Variants in CNGB1 observed in about 807,000 individuals in gnomAD.
CNGB1 encodes cyclic nucleotide-gated channel beta-1.
Under a neutral mutation model 151.7 loss-of-function variants are expected in CNGB1, and 126 were observed. The ratio of observed to expected loss-of-function variants is 0.83; its 90% CI spans 0.72 to 0.96. The LOEUF (loss-of-function observed/expected upper bound fraction) is 0.96, where lower values mean the gene tolerates loss of function less well. Among genes scored for constraint, CNGB1 ranks in the 40% least tolerant of loss-of-function variants. The pLI is 0.00. For synonymous variants in CNGB1, 623 were observed against 635.1 expected (o/e 0.98, Z 0.29); for missense variants, 1,698 against 1,627.0 (o/e 1.04, Z -0.75).
At position 57,901,337 on chromosome 16, in the gene CNGB1, G is replaced by A. The variant is rs536264127; in HGVS notation, c.2976+15C>T. 2.5e-5 allele frequency: 40 copies of A among 1,613,256 alleles called. No individual in the cohort carries two copies. The South Asian group carries it at 4.1e-4, about 16-fold the overall frequency. On this transcript the variant is annotated intron_variant, in intron 29 of 32. Coordinates refer to ENST00000251102, the MANE Select transcript of CNGB1 (RefSeq NM_001297.5). ...GTGAACCCCAGATCCCGTGGTGGCT[G>A]CCAGGCCAGCTCACCTTCTTGCACA...
At chr16:57,936,838 AAGAG>A (rs1221472099) in intron 16 of CNGB1, among the ~76,000 whole-genome samples, 2 of 152,112 alleles carry the variant, frequency 1.3e-5, no homozygotes, top group Non-Finnish European at 2.9e-5. Flanking sequence ...GAGGAAGAGA[AAGAG>A]AGAGAAAAAA....
chr16:57,918,911 G>T (rs1960951724), intron 20 of CNGB1, among the ~76,000 whole-genome samples, 188 bp downstream of exon 20: 1 of 152,158 alleles, frequency 6.6e-6, no homozygotes, highest in African/African-American at 2.4e-5. Flanking sequence ...TGTTAGCCAG[G>T]CTGGGTTTGT....
chr16:57,955,975 T>C (rs1962074889), intron 12 of CNGB1, among the ~76,000 whole-genome samples: 1 of 152,086 alleles, frequency 6.6e-6, no homozygotes, highest in South Asian at 2.1e-4. Context: ...TCCTAGAAAA[T>C]GAAACCAAGC....
At chr16:57,930,622 A>G (rs531035042) in intron 17 of CNGB1, among the ~76,000 whole-genome samples, 2 of 152,276 alleles carry the variant, frequency 1.3e-5, no homozygotes, top group Admixed American at 6.5e-5. Context: ...AAAAGAACAA[A>G]GAAAAGAAAA....
At chr16:57,952,400 G>A (rs1189591516) in intron 12 of CNGB1, among the ~76,000 whole-genome samples, 1 of 151,564 alleles carries the variant, frequency 6.6e-6, no homozygotes, top group Non-Finnish European at 1.5e-5. Context: ...AAGAATTGAT[G>A]CTGTCCTTGC....
At chr16:57,895,124 T>A (rs1960187751) in intron 31 of CNGB1, among the ~76,000 whole-genome samples, 1 of 152,004 alleles carries the variant, frequency 6.6e-6, no homozygotes, top group African/African-American at 2.4e-5. Flanking sequence ...TTTACAAGTA[T>A]GAAAAGGGAG....
chr16:57,901,342 G>A lies in CNGB1; in HGVS notation c.2976+10C>T, dbSNP rs746653522. 1 of 1,613,630 alleles carries A rather than the reference G, an allele frequency of 6.2e-7. No homozygotes were observed. The highest frequency in any genetic ancestry group is 1.7e-5 in the Admixed American group (1 of 60,018). On this transcript the variant is annotated intron_variant, in intron 29 of 32. Transcript: ENST00000251102. ...CCCCAGATCCCGTGGTGGCTGCCAG[G>A]CCAGCTCACCTTCTTGCACACATAG... is the stretch of plus-strand genomic sequence containing the variant.
intron 12 of CNGB1, among the ~76,000 whole-genome samples, chr16:57,951,564 T>G (rs924103692): frequency 2.0e-5 from 3 of 152,128 alleles, no homozygotes; most frequent in Admixed American, 6.5e-5. Context: ...TCAAGTCTTA[T>G]CCTGAGACTT....
intron 25 of CNGB1, 78 bp from the exon 26 acceptor site, chr16:57,904,953 T>C: frequency 6.4e-7 from 1 of 1,557,728 alleles, no homozygotes; most frequent in Non-Finnish European, 8.9e-7. Flanking sequence ...CTCAGACGCC[T>C]CTGATAGATG....
chr16:57,938,564 G>C (rs1306254606), intron 16 of CNGB1, among the ~76,000 whole-genome samples: 1 of 152,200 alleles, frequency 6.6e-6, no homozygotes, highest in Non-Finnish European at 1.5e-5. Flanking sequence ...TCATGGTTCA[G>C]ACAGGTCACA....
At position 57,959,882 on chromosome 16, in the gene CNGB1, GC is replaced by G; in HGVS notation, c.761+5del. 1 of 1,518,968 alleles carries G rather than the reference GC, an allele frequency of 6.6e-7. No individual in the cohort carries two copies. The highest frequency in any genetic ancestry group is 8.8e-7 in the Non-Finnish European group (1 of 1,132,334). 94.1% of individuals were successfully genotyped at this position (1,518,968 alleles called of 1,614,324 possible). On this transcript the variant is annotated splice_donor_5th_base_variant and intron_variant, in intron 10 of 32. Transcript: ENST00000251102. Reference sequence around the variant, plus strand: ...GGTGGGAGGCGCTGCATTGAGGGTGGCTCACCTGGCAGGGTCCCTGGTTGGT... The same window carrying G: ...GGTGGGAGGCGCTGCATTGAGGGTGGTCACCTGGCAGGGTCCCTGGTTGGT...
intron 17 of CNGB1, 76 bp from the exon 18 acceptor site, chr16:57,923,456 C>A: frequency 8.1e-7 from 1 of 1,229,102 alleles, no homozygotes; most frequent in South Asian, 1.2e-5. Context: ...ACTTTGATCC[C>A]TAAAGATCAT....
intron 29 of CNGB1, among the ~76,000 whole-genome samples, chr16:57,900,812 C>G (rs1269165760): frequency 7.9e-5 from 12 of 152,098 alleles, no homozygotes; most frequent in African/African-American, 2.9e-4. Context: ...TACAAAATCT[C>G]CAAATTTTTA....
chr16:57,919,019 C>T (rs1960954363), intron 20 of CNGB1, 80 bp downstream of exon 20: 12 of 1,604,196 alleles, frequency 7.5e-6, no homozygotes, highest in African/African-American at 1.3e-5. Context: ...TCTTGAATCC[C>T]CTGACCCTCT....
In CNGB1 at chr16:57,948,316, CTTT is replaced by C. The variant is rs58470336; in HGVS notation, c.1121+1034_1121+1036del. 6.9e-3 allele frequency among the ~76,000 whole-genome samples: 938 copies of C among 136,580 alleles called. 10 individuals are homozygous for C. Among genetic ancestry groups the C allele is most frequent in the African/African-American group, 0.017 (619 of 37,190 alleles). The allele number at this position is 136,580 out of a possible 152,430, so 89.6% of individuals were successfully genotyped here. A position where few individuals can be genotyped will look rare whatever the true frequency, so the allele number is the denominator to read the frequency against. On this transcript the variant is annotated intron_variant, in intron 14 of 32. Coordinates refer to ENST00000251102, the MANE Select transcript of CNGB1 (RefSeq NM_001297.5). ...GCAGTCCTTCTTTCTTCTTCTTCTT[CTTT>C]TTTTTTTTTTTTTTAAGTAGAGATG...
rs543342528 is a variant in CNGB1, at chr16:57,890,095, G to A, written c.3243-2021C>T. Among the ~76,000 whole-genome samples the A allele has an allele frequency of 3.3e-5, 5 of 152,278 alleles. No individual in the cohort carries two copies. In the South Asian group the frequency reaches 6.2e-4, roughly 19 times the overall value. On this transcript the variant is annotated intron_variant, in intron 31 of 32. Coordinates refer to ENST00000251102, the MANE Select transcript of CNGB1 (RefSeq NM_001297.5). ...GCAATTTTTCACACTACAAACATGC[G>A]GTGAGCAGTTTGTCTCAAGAACAAA...
chr16:57,908,727 A>C (rs1473828951), intron 25 of CNGB1, among the ~76,000 whole-genome samples: 2 of 151,802 alleles, frequency 1.3e-5, no homozygotes, highest in Non-Finnish European at 2.9e-5. Flanking sequence ...CTCCGCTCTG[A>C]CTCTGCAGGC....
intron 17 of CNGB1, among the ~76,000 whole-genome samples, chr16:57,928,307 A>G (rs1961248670): frequency 6.6e-6 from 1 of 152,232 alleles, no homozygotes; most frequent in South Asian, 2.1e-4. Flanking sequence ...AAGGGCAGAG[A>G]GCGGAAGACC....
At chr16:57,917,040 G>A (rs1456903118) in intron 21 of CNGB1, among the ~76,000 whole-genome samples, 1 of 152,178 alleles carries the variant, frequency 6.6e-6, no homozygotes, top group Non-Finnish European at 1.5e-5. Flanking sequence ...TCTGTCAAGT[G>A]GTCCAGGAAC....
Sources: allele counts gnomAD v4.1 joint callset (sites outside exome capture counted in the v4.1 genomes callset), GRCh38; gene constraint gnomAD v4.1.1; transcripts MANE v1.5; gene names NCBI Gene and HGNC (gene_info 2026-07-23, HGNC 2026-07-21).